TAAR8: variants seen among roughly 807,000 people sequenced by gnomAD.
TAAR8 encodes the protein trace amine-associated receptor 8.
For synonymous variants in TAAR8, 157 were observed against 152.7 expected (o/e 1.03, Z -0.21); for missense variants, 459 against 405.8 (o/e 1.13, Z -1.13).
exon 1 of TAAR8, chr6:132,553,092 A>T: frequency 6.2e-7 from 1 of 1,614,186 alleles, no homozygotes; most frequent in Non-Finnish European, 8.5e-7. Flanking sequence ...CATTGTGGTT[A>T]CTGATCCCCT....
exon 1 of TAAR8, chr6:132,553,158 T>C (rs1183118615): frequency 6.2e-7 from 1 of 1,614,188 alleles, no homozygotes; most frequent in East Asian, 2.2e-5. Context: ...CAGCGTGTCC[T>C]GGATTCTGCC....
At position 132,553,280 on chromosome 6, in the gene TAAR8, C is replaced by T. The variant is rs763441985; in HGVS notation, c.588C>T (p.Gly196=). Residue 196 remains glycine, a synonymous_variant, in exon 1 of 1, where the codon GGC becomes GGT. Coordinates refer to ENST00000275200, the Ensembl canonical transcript of TAAR8. Reference sequence around the variant, plus strand: ...GCTGTCAAATTATTGTAAGTCAAGGCTGGGTGTTGATAGATTTTCTGTTAT... The same window carrying T: ...GCTGTCAAATTATTGTAAGTCAAGGTTGGGTGTTGATAGATTTTCTGTTAT... 30 of 1,613,990 alleles carry T rather than the reference C, an allele frequency of 1.9e-5. No individual in the cohort carries two copies. The East Asian group carries it at 6.0e-4, about 32-fold the overall frequency.
Position 132,553,005 on chromosome 6 carries a change from A to G in TAAR8, c.313A>G (p.Thr105Ala), listed in dbSNP as rs1776402583. The G allele has an allele frequency of 1.2e-6, 2 of 1,613,842 alleles. No homozygotes were observed. The highest frequency in any genetic ancestry group is 1.7e-6 in the Non-Finnish European group (2 of 1,179,982). ...CTGGTATTTTGGAGCCAAATTTTGT[A>G]CTCTTCACAGTTGCTGTGATGTGGC... Residue 105 changes from threonine to alanine, a missense_variant, in exon 1 of 1, where the codon ACT becomes GCT. By Grantham distance (58) the Thr-to-Ala change is moderately conservative. Transcript: ENST00000275200.
chr6:132,553,132 T>C, exon 1 of TAAR8: 1 of 1,614,188 alleles, frequency 6.2e-7, no homozygotes, highest in South Asian at 1.1e-5. Context: ...ACCGTGTCTG[T>C]GTCGGGAATT....
At chr6:132,553,677 G>C in exon 1 of TAAR8, 1 of 1,608,158 alleles carries the variant, frequency 6.2e-7, no homozygotes, top group Non-Finnish European at 8.5e-7. Flanking sequence ...AAGTGGAGAT[G>C]TTTTAAAGGC....
exon 1 of TAAR8, chr6:132,553,332 A>G (rs1776408776): frequency 1.2e-6 from 2 of 1,613,938 alleles, no homozygotes; most frequent in Non-Finnish European, 1.7e-6. Flanking sequence ...TGTTATGATA[A>G]TTCTTTACAG....
In TAAR8 at chr6:132,553,054, A is replaced by C. The variant is rs758386854; in HGVS notation, c.362A>C (p.His121Pro). 1.9e-5 allele frequency: 30 copies of C among 1,613,994 alleles called. No individual in the cohort carries two copies. In the Admixed American group the frequency reaches 5.0e-4, roughly 27 times the overall value. The change falls in exon 1 of 1, where the codon CAC becomes CCC. Residue 121 changes from histidine (H) to proline (P), a missense_variant. Transcript: ENST00000275200. ...GCATTTTGTTACTCTTCTGTCCTCC[A>C]CTTGTGCTTCATCTGCATCGACAGG...
Position 132,553,709 on chromosome 6 carries a change from A to C in TAAR8, c.1017A>C (p.Leu339Phe), listed in dbSNP as rs1220036458. Residue 339 changes from leucine (L) to phenylalanine (F), a missense_variant, in exon 1 of 1, where the codon TTA becomes TTC. Physicochemically the swap from Leu to Phe is conservative, Grantham distance 22. Transcript: ENST00000275200. ...AGGCTAGTTCATCAACCATTAGTTT[A>C]TTTTTAGAATAAGTTTAAGCACTAA... 3 of 1,541,208 alleles carry C rather than the reference A, an allele frequency of 1.9e-6. No homozygotes were observed. In the Admixed American group the frequency reaches 6.2e-5, roughly 32 times the overall value.
exon 1 of TAAR8, chr6:132,552,753 T>C: frequency 6.2e-7 from 1 of 1,614,232 alleles, no homozygotes; most frequent in Non-Finnish European, 8.5e-7. Context: ...GAATGGATCT[T>C]GTATTGAAAC....
chr6:132,553,434 G>A, exon 1 of TAAR8: 2 of 1,614,156 alleles, frequency 1.2e-6, no homozygotes, highest in Non-Finnish European at 8.5e-7. Flanking sequence ...TAAAATCAGA[G>A]TGGCCAAGAG....
chr6:132,553,432 G>C, exon 1 of TAAR8: 1 of 1,614,146 alleles, frequency 6.2e-7, no homozygotes, highest in South Asian at 1.1e-5. Flanking sequence ...TATAAAATCA[G>C]AGTGGCCAAG....
At chr6:132,553,028 G>C in exon 1 of TAAR8, 1 of 1,614,190 alleles carries the variant, frequency 6.2e-7, no homozygotes, top group Non-Finnish European at 8.5e-7. Flanking sequence ...GCTGTGATGT[G>C]GCATTTTGTT....
downstream of TAAR8, chr6:132,553,737 T>C (rs779262173): frequency 2.1e-6 from 3 of 1,402,320 alleles, no homozygotes; most frequent in South Asian, 3.6e-5. Flanking sequence ...AGCACTAAGT[T>C]GAGAAAATTA....
At chr6:132,552,942 G>A in exon 1 of TAAR8, 1 of 1,614,196 alleles carries the variant, frequency 6.2e-7, no homozygotes, top group Non-Finnish European at 8.5e-7. Flanking sequence ...AGGTGTGACT[G>A]TGATGCTTTT....
exon 1 of TAAR8, chr6:132,553,690 G>T: frequency 1.9e-6 from 3 of 1,589,470 alleles, no homozygotes; most frequent in Non-Finnish European, 2.6e-6. Flanking sequence ...TTAAAGGCTA[G>T]TTCATCAACC....
At chr6:132,553,008 C>T (rs755363720) in exon 1 of TAAR8, 3 of 1,614,102 alleles carry the variant, frequency 1.9e-6, no homozygotes, top group Non-Finnish European at 2.5e-6. Flanking sequence ...ATTTTGTACT[C>T]TTCACAGTTG....
exon 1 of TAAR8, chr6:132,553,256 C>T: frequency 1.2e-6 from 2 of 1,614,142 alleles, no homozygotes; most frequent in Non-Finnish European, 8.5e-7. Context: ...GCGTAGGTGG[C>T]TGTCAAATTA....
At position 132,553,214 on chromosome 6, in the gene TAAR8, TG is replaced by T; in HGVS notation, c.525del (p.Leu176TrpfsTer4). ...TGTTCTACACAGGTGTCAATGATGATGGGCTGGAGGAATTAGTAAGTGCTCT... is the reference window on the plus strand; with the variant it reads ...TGTTCTACACAGGTGTCAATGATGATGGCTGGAGGAATTAGTAAGTGCTCT... On this transcript the variant is annotated frameshift_variant, in exon 1 of 1. Transcript: ENST00000275200. LOFTEE classifies it low-confidence loss of function (END_TRUNC). 6.2e-7 allele frequency: 1 copy of T among 1,614,176 alleles called. No homozygotes were observed. The highest frequency in any genetic ancestry group is 8.5e-7 in the Non-Finnish European group (1 of 1,180,028).
exon 1 of TAAR8, chr6:132,553,515 G>C: frequency 1.2e-6 from 2 of 1,614,040 alleles, no homozygotes; most frequent in East Asian, 2.2e-5. Context: ...ACCGTATACA[G>C]TTGATATATT....
Sources: gnomAD v4.1 joint callset for allele counts on GRCh38, gnomAD v4.1.1 for gene constraint, MANE v1.5 for transcripts, NCBI Gene and HGNC (gene_info 2026-07-23, HGNC 2026-07-21) for gene names.